The following YEATS4 variants were observed in gnomAD, a reference collection of about 807,000 sequenced individuals.
YEATS4 encodes the protein YEATS domain containing 4.
A neutral mutation model predicts 30.1 loss-of-function variants in YEATS4; 17 were observed. The ratio of observed to expected loss-of-function variants is 0.56; its 90% CI spans 0.39 to 0.85. YEATS4 has a LOEUF of 0.85. Ranked by LOEUF, YEATS4 falls within the 40% of genes least tolerant of loss-of-function variation. The pLI, the probability that YEATS4 is intolerant of heterozygous loss-of-function variation, is 0.00. For synonymous variants in YEATS4, 85 were observed against 87.5 expected (o/e 0.97, Z 0.16); for missense variants, 142 against 268.3 (o/e 0.53, Z 3.29).
chr12:69,365,683 TG>T lies in YEATS4; in HGVS notation c.224del (p.Gly75AlafsTer4). On this transcript the variant is annotated frameshift_variant, in exon 3 of 7. Coordinates refer to ENST00000247843, the MANE Select transcript of YEATS4 (RefSeq NM_006530.4). LOFTEE classifies it high-confidence loss of function. ...TCCAGTTTAAATTACATGAAAGCTA[TG>T]GCAATCCTTTAAGAGGTACAATATA... ...KIQFKLHESY[G>X]NPLRVVTKPP... 6.2e-7 allele frequency: 1 copy of T among 1,612,090 alleles called. No individual in the cohort carries two copies. The highest frequency in any genetic ancestry group is 8.5e-7 in the Non-Finnish European group (1 of 1,178,582).
chr12:69,401,682 T>G, the YEATS4 span, among the ~76,000 whole-genome samples: 1 of 152,192 alleles, frequency 6.6e-6, no homozygotes, highest in African/African-American at 2.4e-5. Flanking sequence ...AGCTGGAAAT[T>G]AAAAGTAAAT....
the YEATS4 span, among the ~76,000 whole-genome samples, chr12:69,423,336 G>A: frequency 6.6e-6 from 1 of 152,178 alleles, no homozygotes; most frequent in African/African-American, 2.4e-5. Context: ...GAAGAAACAA[G>A]TAATTACCAC....
the YEATS4 span, among the ~76,000 whole-genome samples, chr12:69,414,384 C>T: frequency 9.3e-4 from 141 of 152,182 alleles, no homozygotes; most frequent in African/African-American, 3.2e-3. Flanking sequence ...AACATGCTAC[C>T]GCGACTGGCT....
chr12:69,395,216 AAAAT>A (rs149918864), downstream of YEATS4, among the ~76,000 whole-genome samples: 185 of 152,322 alleles, frequency 1.2e-3, 3 homozygotes, highest in East Asian at 0.032. Flanking sequence ...GAAAAGGAAA[AAAAT>A]AAGAAAAAAT....
the YEATS4 span, among the ~76,000 whole-genome samples, chr12:69,420,557 G>A: frequency 6.6e-6 from 1 of 152,046 alleles, no homozygotes; most frequent in Non-Finnish European, 1.5e-5. Flanking sequence ...GAGAAATTTG[G>A]CAGCTCTTGA....
downstream of YEATS4, among the ~76,000 whole-genome samples, chr12:69,392,782 C>T (rs923059519): frequency 2.6e-5 from 4 of 152,184 alleles, no homozygotes; most frequent in Non-Finnish European, 5.9e-5. Flanking sequence ...GAGTAATCTG[C>T]TATGGGCTTT....
the YEATS4 span, among the ~76,000 whole-genome samples, chr12:69,417,602 G>T: frequency 6.6e-6 from 1 of 152,134 alleles, no homozygotes; most frequent in African/African-American, 2.4e-5. Flanking sequence ...GGTTACAGAA[G>T]TCTAATTATT....
At chr12:69,395,900 G>T in the YEATS4 span, among the ~76,000 whole-genome samples, 2 of 152,110 alleles carry the variant, frequency 1.3e-5, no homozygotes, top group Admixed American at 1.3e-4. Flanking sequence ...GCAGTTAAAG[G>T]TATGAGTTTC....
At chr12:69,404,077 A>G in the YEATS4 span, among the ~76,000 whole-genome samples, 2 of 151,988 alleles carry the variant, frequency 1.3e-5, no homozygotes, top group Non-Finnish European at 2.9e-5. Flanking sequence ...TTACTTACCC[A>G]TGGTTTCAAA....
chr12:69,425,169 C>T, the YEATS4 span, among the ~76,000 whole-genome samples: 4 of 151,942 alleles, frequency 2.6e-5, no homozygotes, highest in African/African-American at 4.8e-5. Context: ...GTGATCTGTC[C>T]GCCTCGGCCT....
chr12:69,400,050 T>C, the YEATS4 span, among the ~76,000 whole-genome samples: 1 of 152,076 alleles, frequency 6.6e-6, no homozygotes, highest in Admixed American at 6.6e-5. Context: ...AATTAAATAG[T>C]GGTGATCGTT....
At chr12:69,401,093 A>G in the YEATS4 span, 1 of 152,140 alleles carries the variant, frequency 6.6e-6, no homozygotes, top group Admixed American at 6.6e-5. Flanking sequence ...GAGCCAGCCC[A>G]GGTCAGAAAT....
chr12:69,397,529 T>C, the YEATS4 span, among the ~76,000 whole-genome samples: 3 of 152,126 alleles, frequency 2.0e-5, no homozygotes, highest in African/African-American at 7.2e-5. Flanking sequence ...TAAAGGGTAG[T>C]TCCCCTGCAC....
At chr12:69,393,487 T>A (rs1868330362), downstream of YEATS4, among the ~76,000 whole-genome samples, 1 of 138,770 alleles carries the variant, frequency 7.2e-6, no homozygotes, top group Non-Finnish European at 1.6e-5. Context: ...AGAAAGAAAA[T>A]GAGATCATAC....
At chr12:69,403,275 C>A in the YEATS4 span, among the ~76,000 whole-genome samples, 1 of 151,958 alleles carries the variant, frequency 6.6e-6, no homozygotes, top group African/African-American at 2.4e-5. Flanking sequence ...GTTCAAGTTA[C>A]CCTATTAAAA....
chr12:69,359,858 G>GCTAGAAACCCTCCGC lies in YEATS4; in HGVS notation c.-112_-98dup. The GCTAGAAACCCTCCGC allele has an allele frequency of 7.5e-7, 1 of 1,340,182 alleles. No individual in the cohort carries two copies. Among genetic ancestry groups the GCTAGAAACCCTCCGC allele is most frequent in the Non-Finnish European group, 1.0e-6 (1 of 969,370 alleles). 83.0% of individuals were successfully genotyped at this position (1,340,182 alleles called of 1,614,324 possible). A position where few individuals can be genotyped will look rare whatever the true frequency, so the allele number is the denominator to read the frequency against. On this transcript the variant is annotated 5_prime_UTR_variant, in exon 1 of 7. Transcript: ENST00000247843. ...AGCCCAAGTAACTCGCCCTCCTTCGGCTAGAAACCCTCCGCCTGGGCCCGC... is the reference window on the plus strand; with the variant it reads ...AGCCCAAGTAACTCGCCCTCCTTCGGCTAGAAACCCTCCGCCTAGAAACCCTCCGCCTGGGCCCGC...
intron 4 of YEATS4, 74 bp downstream of exon 4, chr12:69,365,958 A>ATT (rs1875412691): frequency 5.7e-5 from 63 of 1,106,010 alleles, no homozygotes; most frequent in Non-Finnish European, 8.0e-5. Flanking sequence ...TACTTAATGA[A>ATT]TAGTGTTCAT....
At chr12:69,421,776 AC>A in the YEATS4 span, among the ~76,000 whole-genome samples, 760 of 152,326 alleles carry the variant, frequency 5.0e-3, 3 homozygotes, top group African/African-American at 0.017. Context: ...TAGCGGCTGT[AC>A]CCACATCATT....
At chr12:69,391,051 T>G (rs867493340), downstream of YEATS4, among the ~76,000 whole-genome samples, 25 of 152,248 alleles carry the variant, frequency 1.6e-4, no homozygotes, top group African/African-American at 5.5e-4. Context: ...ACCAGCACTT[T>G]GGGAGTCCAA....
Sources: gnomAD v4.1 joint callset for allele counts (sites outside exome capture counted in the v4.1 genomes callset) on GRCh38, gnomAD v4.1.1 for gene constraint, MANE v1.5 for transcripts, NCBI Gene and HGNC (gene_info 2026-07-23, HGNC 2026-07-21) for gene names.